Variants in PID1 observed in about 807,000 individuals in gnomAD.
The protein encoded by PID1 is phosphotyrosine interaction domain containing 1.
A neutral mutation model predicts 19.1 loss-of-function variants in PID1; 10 were observed. The observed-to-expected ratio is 0.52, with a 90% CI of 0.32 to 0.89. The LOEUF (loss-of-function observed/expected upper bound fraction) is 0.89. Among genes scored for constraint, PID1 ranks in the 40% least tolerant of loss-of-function variants. The pLI, the probability that PID1 is intolerant of heterozygous loss-of-function variation, is 0.03. For synonymous variants in PID1, 130 were observed against 116.0 expected (o/e 1.12, Z -0.78); for missense variants, 248 against 285.3 (o/e 0.87, Z 0.94).
At position 229,025,815 on chromosome 2, in the gene PID1, G is replaced by A. The variant is rs1310969447; in HGVS notation, c.471C>T (p.Asp157=). 1.9e-6 allele frequency: 3 copies of A among 1,614,130 alleles called. No homozygotes were observed. The highest frequency in any genetic ancestry group is 1.3e-5 in the African/African-American group (1 of 74,946). The change falls in exon 3 of 3, where the codon GAC becomes GAT. Residue 157 remains aspartate (D), a synonymous_variant. Coordinates refer to ENST00000392055, the MANE Select transcript of PID1 (RefSeq NM_001100818.2). ...CGTGGCAGTCCATCTGGTAGGACAG[G>A]TCATCATTGATCTCCCTGTAGACCC... ...FAWVYREIND[D]LSYQMDCHAV... is the part of the protein sequence containing the mutation.
At chr2:229,226,405 T>C (rs1290649208) in intron 1 of PID1, among the ~76,000 whole-genome samples, 4 of 152,224 alleles carry the variant, frequency 2.6e-5, no homozygotes, top group Non-Finnish European at 5.9e-5. Flanking sequence ...TGTTGCTGAA[T>C]CCAGCAGTAA....
At chr2:229,051,850 T>C (rs1012155866) in intron 2 of PID1, among the ~76,000 whole-genome samples, 2 of 152,192 alleles carry the variant, frequency 1.3e-5, no homozygotes, top group Admixed American at 6.5e-5. Context: ...CCCTGCCTTG[T>C]GGTAGGTAAC....
intron 1 of PID1, among the ~76,000 whole-genome samples, chr2:229,191,889 C>T (rs577357631): frequency 6.6e-6 from 1 of 152,090 alleles, no homozygotes; most frequent in Non-Finnish European, 1.5e-5. Flanking sequence ...CTTGGGAAAA[C>T]CAAATCAATC....
intron 1 of PID1, among the ~76,000 whole-genome samples, chr2:229,166,877 A>G (rs2396617): frequency 0.16 from 23,854 of 151,920 alleles, 2,697 homozygotes; most frequent in East Asian, 0.38. Context: ...AACATTAGAC[A>G]ATTTCAGTAA....
intron 1 of PID1, among the ~76,000 whole-genome samples, chr2:229,226,431 T>C (rs939936779): frequency 6.6e-6 from 1 of 152,210 alleles, no homozygotes. Flanking sequence ...ACATTCTAAC[T>C]GGAAGATAAA....
At chr2:229,028,417 A>C (rs945383423) in intron 2 of PID1, among the ~76,000 whole-genome samples, 1 of 152,260 alleles carries the variant, frequency 6.6e-6, no homozygotes, top group Non-Finnish European at 1.5e-5. Flanking sequence ...ATCGTTTGGC[A>C]GCAAATAAAT....
At chr2:229,119,587 T>G (rs942700032) in intron 2 of PID1, among the ~76,000 whole-genome samples, 2 of 152,186 alleles carry the variant, frequency 1.3e-5, no homozygotes, top group Non-Finnish European at 2.9e-5. Flanking sequence ...TACAGGCTAC[T>G]TGGGAACAAG....
At chr2:229,228,844 A>G (rs1021101676) in intron 1 of PID1, among the ~76,000 whole-genome samples, 15 of 152,356 alleles carry the variant, frequency 9.8e-5, no homozygotes, top group Admixed American at 8.5e-4. Flanking sequence ...TCCCACCATA[A>G]GAGATACTTC....
rs1053134993 is a variant in PID1 at position 229,025,246 on chromosome 2, CT to C, written c.*385del. 1.7e-4 allele frequency: 34 copies of C among 203,226 alleles called. No homozygotes were observed. Among genetic ancestry groups the C allele is most frequent in the Middle Eastern group, 4.4e-3 (2 of 450 alleles). The allele number at this position is 203,226 out of a possible 1,614,324, so 12.6% of individuals were successfully genotyped here. ...CCCACTAGAGATCCCATAGGTGCCC[CT>C]AACATTCTTGTGGAATTTCATAAGG... On this transcript the variant is annotated 3_prime_UTR_variant, in exon 3 of 3. Transcript: ENST00000392055.
At chr2:229,130,142 C>A (rs1183789603) in intron 2 of PID1, among the ~76,000 whole-genome samples, 1 of 152,204 alleles carries the variant, frequency 6.6e-6, no homozygotes, top group African/African-American at 2.4e-5. Context: ...TACACTTGAA[C>A]TTTGGTTGTA....
At chr2:229,156,111 G>C in intron 1 of PID1, 147 bp from the exon 2 acceptor site, 1 of 662,350 alleles carries the variant, frequency 1.5e-6, no homozygotes, top group Admixed American at 2.9e-5. Context: ...CAGAGGAGGG[G>C]GAACTGTGTC....
intron 2 of PID1, among the ~76,000 whole-genome samples, chr2:229,057,162 G>A (rs893554297): frequency 1.3e-5 from 2 of 152,034 alleles, no homozygotes; most frequent in Non-Finnish European, 2.9e-5. Flanking sequence ...TAATAGCCAG[G>A]CCTGGTGGCT....
chr2:229,219,018 A>T (rs1691909097), intron 1 of PID1, among the ~76,000 whole-genome samples: 1 of 152,206 alleles, frequency 6.6e-6, no homozygotes, highest in Admixed American at 6.5e-5. Context: ...CAGTCTCTCA[A>T]GCCACCACAC....
rs550686991 is a variant in PID1 at position 229,112,713 on chromosome 2, G to C, written c.177+43105C>G. Reference sequence around the variant, plus strand: ...TTTCCCAGGCTGGTCGCAAACTCCTGAGCTCAGGCAATCCGCCTGCCTTGG... The same window carrying C: ...TTTCCCAGGCTGGTCGCAAACTCCTCAGCTCAGGCAATCCGCCTGCCTTGG... On this transcript the variant is annotated intron_variant, in intron 2 of 2. Coordinates refer to ENST00000392055, the MANE Select transcript of PID1 (RefSeq NM_001100818.2). Among the ~76,000 whole-genome samples, 4 of 152,204 alleles carry C rather than the reference G, an allele frequency of 2.6e-5. No individual in the cohort carries two copies. In the East Asian group the frequency reaches 7.8e-4, roughly 30 times the overall value.
chr2:229,143,273 C>T (rs1283194278), intron 2 of PID1, among the ~76,000 whole-genome samples: 2 of 150,802 alleles, frequency 1.3e-5, no homozygotes, highest in African/African-American at 2.4e-5. Context: ...GTGCAGCACA[C>T]CAGCATGGCA....
chr2:229,155,717 C>G (rs1024781094), intron 2 of PID1, 101 bp downstream of exon 2: 1 of 1,070,310 alleles, frequency 9.3e-7, no homozygotes, highest in Non-Finnish European at 1.3e-6. Flanking sequence ...TTTATATTTT[C>G]ATTCTTAAAA....
intron 1 of PID1, among the ~76,000 whole-genome samples, chr2:229,188,552 A>G (rs1231715920): frequency 1.3e-5 from 2 of 152,142 alleles, no homozygotes; most frequent in African/African-American, 4.8e-5. Flanking sequence ...AGCCTGGCCA[A>G]CATAGTGAAA....
At chr2:229,265,521 G>A (rs1466799948) in intron 1 of PID1, among the ~76,000 whole-genome samples, 2 of 152,184 alleles carry the variant, frequency 1.3e-5, no homozygotes, top group African/African-American at 2.4e-5. Context: ...CAAAATGACA[G>A]TAGACTAATT....
chr2:229,040,404 A>G (rs1251375479), intron 2 of PID1, among the ~76,000 whole-genome samples: 1 of 152,220 alleles, frequency 6.6e-6, no homozygotes. Context: ...ATATTTTTAT[A>G]TATTTGTTTG....
Sources: gnomAD v4.1 joint callset for allele counts (sites outside exome capture counted in the v4.1 genomes callset) on GRCh38, gnomAD v4.1.1 for gene constraint, MANE v1.5 for transcripts, NCBI Gene and HGNC (gene_info 2026-07-23, HGNC 2026-07-21) for gene names.